The following RYR3 variants were observed in gnomAD, a reference collection of about 807,000 sequenced individuals.
RYR3 encodes ryanodine receptor 3.
RYR3 carries 207 observed loss-of-function variants against 584.3 expected under a neutral mutation model. The ratio of observed to expected loss-of-function variants is 0.35; its 90% CI spans 0.32 to 0.40. RYR3 has a LOEUF of 0.40. Ranked by LOEUF, RYR3 falls within the 10% of genes least tolerant of loss-of-function variation. The pLI is 1.00. For synonymous variants in RYR3, 2,416 were observed against 2,248.5 expected, an observed-to-expected ratio of 1.07 and a Z score of -2.11; for missense variants, 5,616 against 6,089.2, an observed-to-expected ratio of 0.92 and a Z score of 2.59.
At chr15:33,733,308 A>G (rs979253303) in intron 48 of RYR3, among the ~76,000 whole-genome samples, 8 of 152,224 alleles carry the variant, frequency 5.3e-5, no homozygotes, top group Non-Finnish European at 7.3e-5. Flanking sequence ...AGATGCTTGT[A>G]GCAGCTTTAT....
At chr15:33,430,268 C>T (rs927516358) in intron 1 of RYR3, among the ~76,000 whole-genome samples, 1 of 152,192 alleles carries the variant, frequency 6.6e-6, no homozygotes, top group Non-Finnish European at 1.5e-5. Flanking sequence ...GATCCGAACT[C>T]CCTGATGCGT....
chr15:33,657,232 G>T (rs1189216702), intron 32 of RYR3, among the ~76,000 whole-genome samples: 6 of 152,198 alleles, frequency 3.9e-5, no homozygotes, highest in Non-Finnish European at 8.8e-5. Flanking sequence ...CTTACTTTCT[G>T]CAGGGAGGGT....
At chr15:33,614,331 A>AG (rs1567667288) in intron 19 of RYR3, among the ~76,000 whole-genome samples, 1 of 152,198 alleles carries the variant, frequency 6.6e-6, no homozygotes, top group Non-Finnish European at 1.5e-5. Flanking sequence ...TTTAAAAAAA[A>AG]TTCTAAAGAA....
intron 19 of RYR3, among the ~76,000 whole-genome samples, chr15:33,613,874 G>A (rs11630976): frequency 0.08 from 12,134 of 152,104 alleles, 641 homozygotes; most frequent in African/African-American, 0.15. Flanking sequence ...CTGAGTCATT[G>A]AGTATCTTCA....
intron 38 of RYR3, among the ~76,000 whole-genome samples, chr15:33,671,229 G>T (rs953046315): frequency 6.6e-6 from 1 of 152,188 alleles, no homozygotes; most frequent in Non-Finnish European, 1.5e-5. Flanking sequence ...GAGGAAGATT[G>T]TCTTGTCTGA....
At chr15:33,567,449 T>G (rs1429404392) in intron 12 of RYR3, among the ~76,000 whole-genome samples, 1 of 152,202 alleles carries the variant, frequency 6.6e-6, no homozygotes, top group African/African-American at 2.4e-5. Context: ...GGGTATAAAT[T>G]ACGTGTGTGA....
intron 31 of RYR3, among the ~76,000 whole-genome samples, chr15:33,651,208 G>A (rs7166605): frequency 0.058 from 8,759 of 152,162 alleles, 821 homozygotes; most frequent in African/African-American, 0.2. Context: ...TACAAAATCC[G>A]TTTACAGATG....
At chr15:33,726,654 A>T (rs1238869401) in intron 46 of RYR3, 148 bp downstream of exon 46, 1 of 800,852 alleles carries the variant, frequency 1.2e-6, no homozygotes, top group African/African-American at 1.8e-5. Context: ...TCCTGTGATG[A>T]GTTTTCTCCT....
At chr15:33,523,408 C>G (rs1263318532) in intron 3 of RYR3, among the ~76,000 whole-genome samples, 1 of 152,122 alleles carries the variant, frequency 6.6e-6, no homozygotes, top group African/African-American at 2.4e-5. Context: ...TTCCTGAAGT[C>G]AGCGAGACCA....
chr15:33,787,316 A>C (rs1158669468), intron 66 of RYR3, among the ~76,000 whole-genome samples: 1 of 152,238 alleles, frequency 6.6e-6, no homozygotes, highest in Non-Finnish European at 1.5e-5. Flanking sequence ...GAATGCAGAG[A>C]GTGCCATTAA....
intron 67 of RYR3, among the ~76,000 whole-genome samples, chr15:33,792,701 G>A (rs1286775642): frequency 6.6e-6 from 1 of 152,212 alleles, no homozygotes. Context: ...TGAGAAATGT[G>A]AAGGCTTGTG....
intron 53 of RYR3, 90 bp from the exon 54 acceptor site, chr15:33,748,024 C>G: frequency 8.1e-7 from 1 of 1,241,816 alleles, no homozygotes; most frequent in Non-Finnish European, 1.2e-6. Context: ...CACCCCCACC[C>G]ACAGTGGGAT....
chr15:33,775,001 A>AT (rs903282449), intron 64 of RYR3, among the ~76,000 whole-genome samples: 1 of 151,802 alleles, frequency 6.6e-6, no homozygotes, highest in Non-Finnish European at 1.5e-5. Flanking sequence ...TCTTGGTACA[A>AT]TTTTTTGTAA....
At chr15:33,853,267 T>C (rs897756238) in intron 95 of RYR3, among the ~76,000 whole-genome samples, 180 bp downstream of exon 95, 4 of 152,248 alleles carry the variant, frequency 2.6e-5, no homozygotes, top group Non-Finnish European at 5.9e-5. Context: ...TTCATTCATA[T>C]ACTCATCTGC....
intron 91 of RYR3, 138 bp downstream of exon 91, chr15:33,842,173 A>T: frequency 2.1e-6 from 2 of 959,628 alleles, no homozygotes; most frequent in Non-Finnish European, 3.0e-6. Context: ...TCTTCTTCCC[A>T]TGTGTCTACC....
intron 1 of RYR3, among the ~76,000 whole-genome samples, chr15:33,351,504 T>A (rs1375344955): frequency 4.0e-5 from 6 of 149,650 alleles, no homozygotes; most frequent in African/African-American, 4.9e-5. Context: ...GATGCAAAAA[T>A]CCTCAATAAA....
At position 33,336,438 on chromosome 15, in the gene RYR3, GA is replaced by G. The variant is rs199587234; in HGVS notation, c.51+25345del. Among the ~76,000 whole-genome samples the G allele has an allele frequency of 5.7e-3, 103 of 18,130 alleles. 21 individuals carry two copies. The highest frequency in any genetic ancestry group is 0.041 in the African/African-American group (64 of 1,572). 11.9% of individuals were successfully genotyped at this position (18,130 alleles called of 152,430 possible). On this transcript the variant is annotated intron_variant, in intron 1 of 103. Transcript: ENST00000634891. ...GAGACGAAAGAAAGAAAGAAAGAAA[GA>G]AAGAGAGAGAGAGAGAGAGAGAGAG...
intron 60 of RYR3, among the ~76,000 whole-genome samples, chr15:33,767,140 G>A (rs940764241): frequency 2.0e-5 from 3 of 152,184 alleles, no homozygotes; most frequent in Admixed American, 2.0e-4. Context: ...GAGTTTACCT[G>A]CCCCTAACTC....
intron 64 of RYR3, among the ~76,000 whole-genome samples, chr15:33,776,701 G>T (rs1173012021): frequency 6.6e-6 from 1 of 152,056 alleles, no homozygotes; most frequent in African/African-American, 2.4e-5. Flanking sequence ...GTACCCTCTG[G>T]AATATAAATG....
Sources: gnomAD v4.1 joint callset for allele counts (sites outside exome capture counted in the v4.1 genomes callset) on GRCh38, gnomAD v4.1.1 for gene constraint, MANE v1.5 for transcripts, NCBI Gene and HGNC (gene_info 2026-07-23, HGNC 2026-07-21) for gene names.